Variants in NKAIN3 observed in about 807,000 individuals in gnomAD.
NKAIN3 encodes sodium/potassium transporting ATPase interacting 3.
Under a neutral mutation model 30.2 loss-of-function variants are expected in NKAIN3, and 25 were observed. The observed-to-expected ratio is 0.83, with a 90% CI of 0.60 to 1.16. The LOEUF (loss-of-function observed/expected upper bound fraction) is 1.16, where lower values mean the gene tolerates loss of function less well. Ranked by LOEUF, NKAIN3 falls within the 50% of genes most tolerant of loss-of-function variation. NKAIN3 has a pLI of 0.00. For missense variants in NKAIN3, 225 were observed against 254.1 expected, an observed-to-expected ratio of 0.89 and a Z score of 0.78; for synonymous variants, 91 against 89.6, an observed-to-expected ratio of 1.02 and a Z score of -0.09.
intron 1 of NKAIN3, among the ~76,000 whole-genome samples, chr8:62,545,062 T>A (rs1808964381): frequency 1.3e-5 from 2 of 152,156 alleles, no homozygotes; most frequent in African/African-American, 4.8e-5. Context: ...TCTGGCTGTC[T>A]TGGGAACTGA....
chr8:62,534,571 T>C (rs1808594510), intron 1 of NKAIN3, among the ~76,000 whole-genome samples: 1 of 152,180 alleles, frequency 6.6e-6, no homozygotes, highest in Non-Finnish European at 1.5e-5. Flanking sequence ...ATTGAAAACA[T>C]AACACAGCGG....
At chr8:62,992,782 A>T (rs1824347789) in intron 5 of NKAIN3, among the ~76,000 whole-genome samples, 1 of 152,170 alleles carries the variant, frequency 6.6e-6, no homozygotes. Context: ...TTTCAAAAAG[A>T]ATTACCTGAT....
intron 1 of NKAIN3, among the ~76,000 whole-genome samples, chr8:62,549,133 A>G (rs1027822541): frequency 6.6e-6 from 1 of 152,192 alleles, no homozygotes; most frequent in East Asian, 1.9e-4. Context: ...TTTACTGTGA[A>G]CGCTATAGTA....
At chr8:62,400,255 T>C (rs1291502244) in intron 1 of NKAIN3, among the ~76,000 whole-genome samples, 1 of 146,786 alleles carries the variant, frequency 6.8e-6, no homozygotes, top group Non-Finnish European at 1.5e-5. Context: ...AACCTCTGCC[T>C]CCTGGGTTCA....
chr8:62,809,273 G>A (rs1563573048), intron 4 of NKAIN3, among the ~76,000 whole-genome samples: 1 of 152,124 alleles, frequency 6.6e-6, no homozygotes, highest in African/African-American at 2.4e-5. Flanking sequence ...GGGTCCTGAG[G>A]CCACATACAT....
rs144926636 is a variant in NKAIN3, at chr8:62,473,118, A to T, written c.55-106421A>T. On this transcript the variant is annotated intron_variant, in intron 1 of 6. Coordinates refer to ENST00000623646, the MANE Select transcript of NKAIN3 (RefSeq NM_001304533.3). The stretch of plus-strand genomic sequence containing the variant: ...TTAATTCTCCTTTTATTCAAATTAA[A>T]TACCTTGCAGTCATTCAGAAACTGT... 7.9e-5 allele frequency: 12 copies of T among 152,322 alleles called. No homozygotes were observed. In the East Asian group the frequency reaches 2.1e-3, roughly 27 times the overall value. The allele number at this position is 152,322 out of a possible 1,614,324, so 9.4% of individuals were successfully genotyped here.
At chr8:62,960,504 C>A (rs1461769243) in intron 6 of NKAIN3, among the ~76,000 whole-genome samples, 3 of 151,610 alleles carry the variant, frequency 2.0e-5, no homozygotes, top group Non-Finnish European at 2.9e-5. Context: ...TAGTCCACCA[C>A]CACCCCTGAA....
At position 62,877,847 on chromosome 8, in the gene NKAIN3, C is replaced by T. The variant is rs191696177; in HGVS notation, c.472-40606C>T. 4.6e-5 allele frequency among the ~76,000 whole-genome samples: 7 copies of T among 152,098 alleles called. No homozygotes were observed. In the East Asian group the frequency reaches 1.2e-3, roughly 25 times the overall value. On this transcript the variant is annotated intron_variant, in intron 4 of 6. Transcript: ENST00000623646. ...CCTGAGGTTCGGAGTTCAAGACCAG[C>T]CTGACCAACATGAAGAAACCCTGTC...
intron 4 of NKAIN3, among the ~76,000 whole-genome samples, chr8:62,799,125 T>A (rs1251125271): frequency 6.6e-6 from 1 of 152,186 alleles, no homozygotes; most frequent in Non-Finnish European, 1.5e-5. Context: ...AGGGGAATTG[T>A]ATGTGGAGAT....
intron 4 of NKAIN3, among the ~76,000 whole-genome samples, chr8:62,823,079 C>A (rs1057507277): frequency 6.6e-6 from 1 of 152,102 alleles, no homozygotes; most frequent in Non-Finnish European, 1.5e-5. Flanking sequence ...CTGGAAGTTG[C>A]TCTGGGTGAG....
intron 4 of NKAIN3, among the ~76,000 whole-genome samples, chr8:62,812,091 A>G (rs9632832): frequency 0.89 from 134,611 of 151,904 alleles, 59,785 homozygotes; most frequent in African/African-American, 0.91. Flanking sequence ...TTTGTGAAAG[A>G]ACTATTTTTC....
intron 1 of NKAIN3, among the ~76,000 whole-genome samples, chr8:62,458,093 A>G (rs1398914355): frequency 5.3e-5 from 8 of 152,192 alleles, no homozygotes; most frequent in Non-Finnish European, 1.0e-4. Context: ...TAACAGCATC[A>G]TAATAGACAG....
intron 1 of NKAIN3, among the ~76,000 whole-genome samples, chr8:62,383,810 T>C (rs908731091): frequency 1.3e-5 from 2 of 152,102 alleles, no homozygotes; most frequent in African/African-American, 2.4e-5. Flanking sequence ...TACAAGAGAA[T>C]ATGTATTTTG....
chr8:62,730,200 T>A (rs537022366), intron 3 of NKAIN3, among the ~76,000 whole-genome samples: 1 of 152,262 alleles, frequency 6.6e-6, no homozygotes, highest in East Asian at 1.9e-4. Context: ...TTAAGATACT[T>A]TTCATCTTCT....
chr8:62,763,551 A>T (rs1350040555), intron 4 of NKAIN3, among the ~76,000 whole-genome samples: 1 of 152,216 alleles, frequency 6.6e-6, no homozygotes, highest in East Asian at 1.9e-4. Context: ...ATTACTTAGT[A>T]ACAAAGATAA....
intron 3 of NKAIN3, among the ~76,000 whole-genome samples, chr8:62,730,523 A>G (rs1382023162): frequency 6.6e-6 from 1 of 152,230 alleles, no homozygotes. Flanking sequence ...TATTATTTCT[A>G]TAAGTATTAC....
At chr8:62,415,147 T>TATATA (rs1472509837) in intron 1 of NKAIN3, among the ~76,000 whole-genome samples, 2 of 142,468 alleles carry the variant, frequency 1.4e-5, no homozygotes, top group Non-Finnish European at 3.0e-5. Context: ...ATATATGTAT[T>TATATA]ATATACTATA....
chr8:62,442,204 A>G (rs1287015099), intron 1 of NKAIN3, among the ~76,000 whole-genome samples: 1 of 152,010 alleles, frequency 6.6e-6, no homozygotes, highest in East Asian at 1.9e-4. Context: ...AGCTTGCTAG[A>G]ATTCTTTGTA....
intron 1 of NKAIN3, among the ~76,000 whole-genome samples, chr8:62,388,678 A>G (rs1367787091): frequency 6.6e-6 from 1 of 152,190 alleles, no homozygotes; most frequent in Non-Finnish European, 1.5e-5. Flanking sequence ...GCATTATCCT[A>G]ATGTTAAAAT....
Sources: allele counts gnomAD v4.1 joint callset (sites outside exome capture counted in the v4.1 genomes callset), GRCh38; gene constraint gnomAD v4.1.1; transcripts MANE v1.5; gene names NCBI Gene and HGNC (gene_info 2026-07-23, HGNC 2026-07-21).